ITGA9: variants seen among roughly 807,000 people sequenced by gnomAD.
The protein encoded by ITGA9 is integrin subunit alpha 9.
ITGA9 carries 56 observed loss-of-function variants against 127.8 expected under a neutral mutation model. The observed-to-expected ratio is 0.44, with a 90% CI of 0.35 to 0.55. The LOEUF is 0.55. Ranked by LOEUF, ITGA9 falls within the 20% of genes least tolerant of loss-of-function variation. The pLI is 0.00. For synonymous variants in ITGA9, 508 were observed against 514.5 expected (o/e 0.99, Z 0.17); for missense variants, 1,196 against 1,347.1 (o/e 0.89, Z 1.76).
At chr3:37,711,325 C>G (rs565859769) in intron 18 of ITGA9, among the ~76,000 whole-genome samples, 12 of 152,348 alleles carry the variant, frequency 7.9e-5, no homozygotes, top group Non-Finnish European at 1.3e-4. Flanking sequence ...CTGACTTTCC[C>G]CAATGAAACC....
chr3:37,540,561 C>T (rs975091854), intron 14 of ITGA9, among the ~76,000 whole-genome samples: 1 of 152,116 alleles, frequency 6.6e-6, no homozygotes, highest in African/African-American at 2.4e-5. Context: ...GTGGGAATAG[C>T]CTGGCACCAG....
chr3:37,520,090 C>T (rs781200223), intron 11 of ITGA9, among the ~76,000 whole-genome samples: 11 of 152,106 alleles, frequency 7.2e-5, no homozygotes, highest in Non-Finnish European at 1.0e-4. Context: ...TGACTACTTC[C>T]TACTCATATG....
chr3:37,606,948 A>G (rs1699974303), intron 15 of ITGA9, among the ~76,000 whole-genome samples: 1 of 149,910 alleles, frequency 6.7e-6, no homozygotes, highest in Admixed American at 6.6e-5. Flanking sequence ...AGGGGCCATA[A>G]CAATAGCAGG....
intron 16 of ITGA9, among the ~76,000 whole-genome samples, chr3:37,641,283 C>T (rs1019836418): frequency 1.3e-5 from 2 of 152,222 alleles, no homozygotes; most frequent in Middle Eastern, 3.4e-3. Flanking sequence ...TAGATTGTGC[C>T]GAAACCATCC....
intron 1 of ITGA9, among the ~76,000 whole-genome samples, chr3:37,464,304 A>C (rs866410705): frequency 7.1e-6 from 1 of 140,244 alleles, no homozygotes; most frequent in Non-Finnish European, 1.5e-5. Flanking sequence ...AACATAAGTG[A>C]CTCCATTTTG....
intron 2 of ITGA9, 105 bp from the exon 3 acceptor site, chr3:37,473,249 G>T: frequency 7.1e-6 from 5 of 706,752 alleles, no homozygotes; most frequent in Admixed American, 2.1e-5. Context: ...TTTACATTTT[G>T]TGGAAAGTTC....
chr3:37,738,858 A>G (rs1214864420), intron 20 of ITGA9, among the ~76,000 whole-genome samples: 2 of 152,186 alleles, frequency 1.3e-5, no homozygotes, highest in Non-Finnish European at 2.9e-5. Context: ...AGGGCAGGGA[A>G]CCAGTATTGC....
chr3:37,584,260 C>T (rs1575157805), intron 15 of ITGA9, among the ~76,000 whole-genome samples: 1 of 152,142 alleles, frequency 6.6e-6, no homozygotes, highest in East Asian at 1.9e-4. Context: ...GGCAAAAATT[C>T]AAGAGGGGCA....
intron 15 of ITGA9, among the ~76,000 whole-genome samples, chr3:37,617,777 C>T (rs1033688315): frequency 4.6e-5 from 7 of 152,290 alleles, no homozygotes; most frequent in South Asian, 2.1e-4. Flanking sequence ...CTTGGGCATT[C>T]GTCACGTAGT....
At chr3:37,518,897 G>C (rs573414395) in intron 10 of ITGA9, among the ~76,000 whole-genome samples, 4 of 142,460 alleles carry the variant, frequency 2.8e-5, no homozygotes, top group Non-Finnish European at 6.0e-5. Context: ...TGATTCTCTT[G>C]CCTCAGCCTC....
In ITGA9 at chr3:37,452,936, A is replaced by G. The variant is rs1212574941; in HGVS notation, c.185+377A>G. On this transcript the variant is annotated intron_variant, in intron 1 of 27. Transcript: ENST00000264741. The surrounding 1 kb of genome is among the most constrained non-coding windows in gnomAD (Gnocchi z 7.3). ...CCGGGCGGCCGCCGCTGGCCCAGCG[A>G]GCCTCCTGAACCTCGCAGGGCCTGG... Among the ~76,000 whole-genome samples the G allele has an allele frequency of 6.6e-6, 1 of 152,214 alleles. No homozygotes were observed. The highest frequency in any genetic ancestry group is 1.5e-5 in the Non-Finnish European group (1 of 68,032).
intron 25 of ITGA9, among the ~76,000 whole-genome samples, chr3:37,782,099 G>C (rs1219752881): frequency 6.6e-6 from 1 of 152,238 alleles, no homozygotes; most frequent in East Asian, 1.9e-4. Flanking sequence ...CCCACGTCTG[G>C]AGAAGTACCT....
chr3:37,763,498 G>A (rs1344796091), intron 23 of ITGA9, among the ~76,000 whole-genome samples: 1 of 152,206 alleles, frequency 6.6e-6, no homozygotes, highest in African/African-American at 2.4e-5. Flanking sequence ...AGAAGTCTCC[G>A]TGTGTGTTCT....
At chr3:37,505,906 A>C in intron 6 of ITGA9, 94 bp from the exon 7 acceptor site, 1 of 882,400 alleles carries the variant, frequency 1.1e-6, no homozygotes, top group Non-Finnish European at 1.9e-6. Context: ...AAGAGTAGGG[A>C]GCATGCTTGA....
At chr3:37,748,107 CA>C in intron 22 of ITGA9, 1 of 472,324 alleles carries the variant, frequency 2.1e-6, no homozygotes, top group Non-Finnish European at 4.2e-6. Context: ...AGTAATTCGC[CA>C]AAATGTCGAA....
intron 17 of ITGA9, 149 bp downstream of exon 17, chr3:37,653,939 G>A: frequency 1.5e-6 from 1 of 671,858 alleles, no homozygotes; most frequent in Non-Finnish European, 2.7e-6. Context: ...AAAAATGTAT[G>A]TTACAAAATA....
chr3:37,643,615 C>T (rs1700352383), intron 16 of ITGA9, among the ~76,000 whole-genome samples: 2 of 152,156 alleles, frequency 1.3e-5, no homozygotes, highest in African/African-American at 2.4e-5. Flanking sequence ...TCTGTATTAT[C>T]CTGTCCTATT....
intron 15 of ITGA9, among the ~76,000 whole-genome samples, chr3:37,559,274 G>GCACA (rs10569609): frequency 5.3e-5 from 8 of 150,802 alleles, no homozygotes; most frequent in East Asian, 2.0e-4. Flanking sequence ...AACTATGTGA[G>GCACA]CACACACACA....
chr3:37,711,898 G>A (rs1229048653), intron 18 of ITGA9, among the ~76,000 whole-genome samples: 1 of 152,192 alleles, frequency 6.6e-6, no homozygotes, highest in Non-Finnish European at 1.5e-5. Flanking sequence ...ATGCTGGTGG[G>A]CACGGACGGG....
Sources: allele counts gnomAD v4.1 joint callset (sites outside exome capture counted in the v4.1 genomes callset), GRCh38; gene constraint gnomAD v4.1.1; non-coding constraint Gnocchi (gnomAD v3.1); transcripts MANE v1.5; gene names NCBI Gene and HGNC (gene_info 2026-07-23, HGNC 2026-07-21).